Variants in COL5A1 observed in about 807,000 individuals in gnomAD.
COL5A1 encodes collagen type V alpha 1 chain.
COL5A1 carries 16 observed loss-of-function variants against 263.7 expected under a neutral mutation model. The observed-to-expected ratio is 0.06, with a 90% CI of 0.04 to 0.09. The LOEUF is 0.09. Among genes scored for constraint, COL5A1 ranks in the 10% least tolerant of loss-of-function variants. COL5A1 has a pLI of 1.00. For synonymous variants in COL5A1, 1,012 were observed against 1,004.5 expected (o/e 1.01, Z -0.14); for missense variants, 2,036 against 2,540.5 (o/e 0.80, Z 4.27).
At chr9:134,658,470 C>G (rs954600626) in intron 1 of COL5A1, among the ~76,000 whole-genome samples, 2 of 152,222 alleles carry the variant, frequency 1.3e-5, no homozygotes, top group African/African-American at 4.8e-5. Flanking sequence ...CACGTCCCCC[C>G]GCCCCTGCTG....
At chr9:134,833,122 C>T (rs1179333059) in intron 64 of COL5A1, among the ~76,000 whole-genome samples, 1 of 147,470 alleles carries the variant, frequency 6.8e-6, no homozygotes, top group Non-Finnish European at 1.5e-5. Flanking sequence ...GGACAGGCTG[C>T]CCTGCCCAGC....
chr9:134,780,973 C>G (rs1362770671), intron 28 of COL5A1, among the ~76,000 whole-genome samples: 1 of 152,278 alleles, frequency 6.6e-6, no homozygotes, highest in Non-Finnish European at 1.5e-5. Context: ...TGTTGGTCCC[C>G]TTTGCTGGGC....
chr9:134,836,474 C>T, intron 65 of COL5A1, among the ~76,000 whole-genome samples: 1 of 152,170 alleles, frequency 6.6e-6, no homozygotes, highest in Non-Finnish European at 1.5e-5. Flanking sequence ...GATGAAGGTC[C>T]AAGCCATGGC....
At chr9:134,704,410 G>A (rs1026806886) in intron 4 of COL5A1, among the ~76,000 whole-genome samples, 18 of 152,326 alleles carry the variant, frequency 1.2e-4, no homozygotes, top group South Asian at 2.1e-4. Flanking sequence ...TGAAGGTAAC[G>A]TGTGGTTTTC....
intron 64 of COL5A1, 88 bp from the exon 65 acceptor site, chr9:134,834,883 T>A: frequency 1.1e-6 from 1 of 939,802 alleles, no homozygotes. Flanking sequence ...GACCACAGTG[T>A]GAGTGAAGCC....
intron 18 of COL5A1, among the ~76,000 whole-genome samples, chr9:134,761,190 C>T (rs960166359): frequency 4.0e-5 from 6 of 149,376 alleles, no homozygotes; most frequent in Non-Finnish European, 7.4e-5. Flanking sequence ...ATGCACCCCC[C>T]ATCCCCCCAC....
intron 11 of COL5A1, among the ~76,000 whole-genome samples, chr9:134,744,536 C>CAT (rs1835413362): frequency 6.6e-6 from 1 of 151,690 alleles, no homozygotes; most frequent in African/African-American, 2.4e-5. Flanking sequence ...CATGCACACT[C>CAT]ACACCCACAC....
At chr9:134,810,170 C>G (rs1381560687) in intron 43 of COL5A1, 85 bp from the exon 44 acceptor site, 2 of 1,474,156 alleles carry the variant, frequency 1.4e-6, no homozygotes, top group Non-Finnish European at 9.5e-7. Flanking sequence ...TGTTCTTAAT[C>G]TCCAAGAAAA....
At chr9:134,693,481 T>G (rs1336350505) in intron 2 of COL5A1, among the ~76,000 whole-genome samples, 2 of 152,064 alleles carry the variant, frequency 1.3e-5, no homozygotes, top group African/African-American at 4.8e-5. Context: ...CAGAGTAGAG[T>G]GGGTCCACAT....
chr9:134,719,502 A>T (rs1363317733), intron 4 of COL5A1, among the ~76,000 whole-genome samples: 1 of 152,214 alleles, frequency 6.6e-6, no homozygotes, highest in African/African-American at 2.4e-5. Flanking sequence ...CAAGCGGGCC[A>T]TGGGCCTACA....
chr9:134,815,744 C>A, intron 51 of COL5A1, 115 bp downstream of exon 51: 1 of 1,318,634 alleles, frequency 7.6e-7, no homozygotes. Flanking sequence ...CTGGGGCAGG[C>A]AATGTCCCAA....
chr9:134,653,638 C>A (rs908234566), intron 1 of COL5A1, among the ~76,000 whole-genome samples: 13 of 152,312 alleles, frequency 8.5e-5, no homozygotes, highest in African/African-American at 3.1e-4. Flanking sequence ...CTCTGCAGAG[C>A]CAGGGATCTG....
At chr9:134,727,906 C>T (rs1045362462) in intron 5 of COL5A1, among the ~76,000 whole-genome samples, 121 of 152,316 alleles carry the variant, frequency 7.9e-4, no homozygotes, top group African/African-American at 2.6e-3. Context: ...GTCAGCTGTC[C>T]TCCCCCTCCC....
chr9:134,830,382 G>A (rs772351222), intron 64 of COL5A1: 5 of 616,296 alleles, frequency 8.1e-6, no homozygotes, highest in Non-Finnish European at 1.4e-5. Context: ...TCTGCCTGGA[G>A]TAGGCAGATG....
intron 26 of COL5A1, among the ~76,000 whole-genome samples, chr9:134,774,147 C>A (rs758484799): frequency 1.9e-4 from 29 of 152,252 alleles, no homozygotes; most frequent in Non-Finnish European, 3.7e-4. Context: ...CCTGGGACTT[C>A]CTGAGTTCCT....
chr9:134,641,966 C>A lies in COL5A1; in HGVS notation c.-222C>A. On this transcript the variant is annotated 5_prime_UTR_variant, in exon 1 of 66. Coordinates refer to ENST00000371817, the MANE Select transcript of COL5A1 (RefSeq NM_000093.5). ...TAGCCCAGCGGGGTCCCGGCCGCCC[C>A]GCGGGCCAAAGTCGAGCCCTCCCGC... 2.5e-6 allele frequency: 1 copy of A among 400,630 alleles called. No homozygotes were observed. Among genetic ancestry groups the A allele is most frequent in the East Asian group, 3.6e-5 (1 of 27,606 alleles). The allele number at this position is 400,630 out of a possible 1,614,324, so 24.8% of individuals were successfully genotyped here.
intron 2 of COL5A1, among the ~76,000 whole-genome samples, chr9:134,694,697 C>T (rs747984721): frequency 5.9e-5 from 9 of 152,168 alleles, no homozygotes; most frequent in Non-Finnish European, 1.5e-5. Flanking sequence ...GCTGGGTTGT[C>T]CTGGCACCAG....
At chr9:134,655,045 G>A (rs567758734) in intron 1 of COL5A1, among the ~76,000 whole-genome samples, 281 of 121,998 alleles carry the variant, frequency 2.3e-3, no homozygotes, top group Non-Finnish European at 3.6e-3. Flanking sequence ...GGGTGTGTAG[G>A]GCTGGTGTGT....
rs1341433988 is a variant in COL5A1, at chr9:134,758,118, CA to C, written c.1882-124del. 2 of 923,182 alleles carry C rather than the reference CA, an allele frequency of 2.2e-6. No individual in the cohort carries two copies. Among genetic ancestry groups the C allele is most frequent in the East Asian group, 4.9e-5 (2 of 41,230 alleles). 57.2% of individuals were successfully genotyped at this position (923,182 alleles called of 1,614,324 possible). A position where few individuals can be genotyped will look rare whatever the true frequency, so the allele number is the denominator to read the frequency against. On this transcript the variant is annotated intron_variant, in intron 17 of 65. Transcript: ENST00000371817. The surrounding 1 kb of genome is among the most constrained non-coding windows in gnomAD (Gnocchi z 4.1). ...GGGGAGAGGGCTGGCCGATGGGGTT[CA>C]GGGTGCATAGATGCTGTGTGAAACG... is the stretch of plus-strand genomic sequence containing the variant.
Sources: allele counts gnomAD v4.1 joint callset (sites outside exome capture counted in the v4.1 genomes callset), GRCh38; gene constraint gnomAD v4.1.1; non-coding constraint Gnocchi (gnomAD v3.1); transcripts MANE v1.5; gene names NCBI Gene and HGNC (gene_info 2026-07-23, HGNC 2026-07-21).